PSD3: variants seen among roughly 807,000 people sequenced by gnomAD.
PSD3 encodes PH and SEC7 domain-containing protein 3.
A neutral mutation model predicts 105.5 loss-of-function variants in PSD3; 49 were observed. The ratio of observed to expected loss-of-function variants is 0.46; its 90% CI spans 0.37 to 0.59. The LOEUF (loss-of-function observed/expected upper bound fraction) is 0.59, where lower values mean the gene tolerates loss of function less well. Among genes scored for constraint, PSD3 ranks in the 20% least tolerant of loss-of-function variants. The probability of loss-of-function intolerance (pLI) is 0.00; values close to 1 mark genes in which losing one functional copy is unlikely to be tolerated. For missense variants in PSD3, 1,561 were observed against 1,263.8 expected, an observed-to-expected ratio of 1.24 and a Z score of -3.57; for synonymous variants, 557 against 457.8, an observed-to-expected ratio of 1.22 and a Z score of -2.77.
At chr8:18,755,841 T>C (rs751922012) in intron 9 of PSD3, among the ~76,000 whole-genome samples, 1 of 152,060 alleles carries the variant, frequency 6.6e-6, no homozygotes, top group African/African-American at 2.4e-5. Flanking sequence ...CGTCACCATT[T>C]TTCATTCATG....
intron 1 of PSD3, among the ~76,000 whole-genome samples, chr8:18,994,963 C>T (rs189416338): frequency 1.3e-4 from 20 of 151,568 alleles, no homozygotes; most frequent in African/African-American, 3.9e-4. Flanking sequence ...TTTTAAGTAC[C>T]GCGTCCAGTC....
At chr8:18,972,277 G>T (rs924010894) in intron 1 of PSD3, among the ~76,000 whole-genome samples, 1 of 152,154 alleles carries the variant, frequency 6.6e-6, no homozygotes, top group African/African-American at 2.4e-5. Context: ...AAATGGAATT[G>T]ATTTTCTGCA....
At chr8:19,026,686 A>G (rs1313847297) in intron 1 of PSD3, among the ~76,000 whole-genome samples, 1 of 131,296 alleles carries the variant, frequency 7.6e-6, no homozygotes, top group African/African-American at 3.0e-5. Context: ...GCAACATAGC[A>G]AGACCACATC....
At chr8:19,006,763 C>T (rs982401954) in intron 1 of PSD3, among the ~76,000 whole-genome samples, 3 of 152,096 alleles carry the variant, frequency 2.0e-5, no homozygotes, top group Non-Finnish European at 4.4e-5. Context: ...CTTGCCAATA[C>T]AGATGCTATT....
chr8:18,874,699 T>C (rs569409317), intron 2 of PSD3, among the ~76,000 whole-genome samples: 21 of 97,562 alleles, frequency 2.2e-4, no homozygotes, highest in African/African-American at 9.3e-4. Flanking sequence ...CAAGACTCCA[T>C]CTCAAAAAAA....
At chr8:18,778,156 G>C (rs1457711573) in intron 8 of PSD3, among the ~76,000 whole-genome samples, 1 of 152,160 alleles carries the variant, frequency 6.6e-6, no homozygotes, top group Non-Finnish European at 1.5e-5. Context: ...TAAAAACATA[G>C]TAGTGGGGTT....
At chr8:19,083,053 G>A (rs1272408148) in intron 1 of PSD3, among the ~76,000 whole-genome samples, 1 of 152,106 alleles carries the variant, frequency 6.6e-6, no homozygotes, top group Non-Finnish European at 1.5e-5. Flanking sequence ...AAGCCCATGG[G>A]AGGCCCCTGC....
intron 1 of PSD3, among the ~76,000 whole-genome samples, chr8:18,975,820 C>T (rs80261449): frequency 6.6e-6 from 1 of 151,816 alleles, no homozygotes; most frequent in African/African-American, 2.4e-5. Flanking sequence ...AATGCTAACT[C>T]ATAAAAAAAA....
chr8:18,581,463 A>T (rs1802812478), intron 12 of PSD3, among the ~76,000 whole-genome samples: 1 of 152,122 alleles, frequency 6.6e-6, no homozygotes, highest in Non-Finnish European at 1.5e-5. Context: ...TGTACCATAA[A>T]AGTCCTATTA....
intron 1 of PSD3, among the ~76,000 whole-genome samples, chr8:18,977,239 A>T: frequency 6.8e-6 from 1 of 146,278 alleles, no homozygotes; most frequent in African/African-American, 2.5e-5. Context: ...TAGCCTGGGC[A>T]ACAGAACAAC....
Position 18,917,947 on chromosome 8 carries a change from G to A in PSD3, c.130+18087C>T, listed in dbSNP as rs184097284. On this transcript the variant is annotated intron_variant, in intron 2 of 15. Transcript: ENST00000327040. ...TGGGCGTGTGTGTTTATGTATTTAT[G>A]TATCCTAACAAGGTTCACTGCCTCC... Among the ~76,000 whole-genome samples, 27 of 152,254 alleles carry A rather than the reference G, an allele frequency of 1.8e-4. 1 individual carries two copies. The highest frequency in any genetic ancestry group is 3.4e-3 in the Middle Eastern group (1 of 294).
chr8:18,970,738 T>C (rs1586553809), intron 1 of PSD3, among the ~76,000 whole-genome samples: 1 of 152,094 alleles, frequency 6.6e-6, no homozygotes, highest in African/African-American at 2.4e-5. Context: ...GAGGAACATA[T>C]GAGGTTAGGA....
chr8:18,568,084 T>G (rs1410340200), intron 14 of PSD3, among the ~76,000 whole-genome samples: 1 of 152,178 alleles, frequency 6.6e-6, no homozygotes, highest in Non-Finnish European at 1.5e-5. Context: ...ATTTGATGCT[T>G]CCTGAGATTC....
chr8:18,661,192 C>T (rs1167317300), intron 9 of PSD3, among the ~76,000 whole-genome samples: 1 of 152,078 alleles, frequency 6.6e-6, no homozygotes, highest in Non-Finnish European at 1.5e-5. Context: ...CTCTGTGGTT[C>T]CTGAATCATT....
At chr8:18,635,576 T>C (rs1328940360) in intron 10 of PSD3, among the ~76,000 whole-genome samples, 1 of 152,090 alleles carries the variant, frequency 6.6e-6, no homozygotes, top group Non-Finnish European at 1.5e-5. Context: ...GGTCTTTCAG[T>C]AGGTGTTCCA....
intron 2 of PSD3, among the ~76,000 whole-genome samples, chr8:18,896,751 T>C (rs1819175319): frequency 6.6e-6 from 1 of 151,934 alleles, no homozygotes; most frequent in Non-Finnish European, 1.5e-5. Context: ...CCACCTACAA[T>C]GTGTAAGAGT....
At chr8:19,077,533 G>A (rs7831882) in intron 1 of PSD3, among the ~76,000 whole-genome samples, 88,251 of 151,900 alleles carry the variant, frequency 0.58, 25,959 homozygotes, top group East Asian at 0.86. Context: ...CCATGTAGCC[G>A]TCATTCTGTC....
At position 18,532,171 on chromosome 8, in the gene PSD3, G is replaced by C. The variant is rs1160644436; in HGVS notation, c.*3572C>G. On this transcript the variant is annotated 3_prime_UTR_variant, in exon 16 of 16. Transcript: ENST00000327040. ...CAGGCCCTGCCTCTCATCCTTCCCA[G>C]ATCTTTACATGATAGAGGGAGCAAT... The C allele has an allele frequency of 6.6e-6, 1 of 152,184 alleles. No homozygotes were observed. Among genetic ancestry groups the C allele is most frequent in the African/African-American group, 2.4e-5 (1 of 41,440 alleles). The allele number at this position is 152,184 out of a possible 1,614,324, so 9.4% of individuals were successfully genotyped here.
intron 2 of PSD3, among the ~76,000 whole-genome samples, chr8:18,894,281 T>C (rs1223134411): frequency 6.6e-6 from 1 of 152,246 alleles, no homozygotes; most frequent in Non-Finnish European, 1.5e-5. Flanking sequence ...ACAAGATGCT[T>C]ACTTCACGGG....
Sources: gnomAD v4.1 joint callset for allele counts (sites outside exome capture counted in the v4.1 genomes callset) on GRCh38, gnomAD v4.1.1 for gene constraint, MANE v1.5 for transcripts, NCBI Gene and HGNC (gene_info 2026-07-23, HGNC 2026-07-21) for gene names.